The following MCU variants were observed in gnomAD, a reference collection of about 807,000 sequenced individuals.
The protein encoded by MCU is mitochondrial calcium uniporter, also known as calcium uniporter protein, mitochondrial.
In MCU, 12 loss-of-function variants were observed where a neutral mutation model predicts 45.2. The observed-to-expected ratio is 0.27, with a 90% CI of 0.17 to 0.43. MCU has a LOEUF of 0.43. Among genes scored for constraint, MCU ranks in the 20% least tolerant of loss-of-function variants. The pLI is 1.00. For synonymous variants in MCU, 160 were observed against 165.1 expected, an observed-to-expected ratio of 0.97 and a Z score of 0.24; for missense variants, 324 against 436.7, an observed-to-expected ratio of 0.74 and a Z score of 2.30.
chr10:72,798,976 C>T (rs1211475493), intron 1 of MCU, among the ~76,000 whole-genome samples: 1 of 152,164 alleles, frequency 6.6e-6, no homozygotes, highest in Non-Finnish European at 1.5e-5. Flanking sequence ...CGGAGTCTCA[C>T]TCTGTCACTC....
At chr10:72,858,637 AG>A (rs1430670143) in intron 2 of MCU, among the ~76,000 whole-genome samples, 1 of 152,138 alleles carries the variant, frequency 6.6e-6, no homozygotes, top group African/African-American at 2.4e-5. Flanking sequence ...CTTGGCCAAG[AG>A]GGGGTCCATT....
intron 3 of MCU, 103 bp downstream of exon 3, chr10:72,859,450 T>G: frequency 9.1e-7 from 1 of 1,102,130 alleles, no homozygotes; most frequent in Non-Finnish European, 1.3e-6. Context: ...AAGAACCCTA[T>G]ACTGTTAACT....
intron 1 of MCU, among the ~76,000 whole-genome samples, chr10:72,796,285 GA>G (rs1844244413): frequency 6.6e-6 from 1 of 152,024 alleles, no homozygotes; most frequent in Non-Finnish European, 1.5e-5. Context: ...CCAAAAAAAG[GA>G]AAATTGGCCA....
chr10:72,804,636 T>C (rs1426718028), intron 1 of MCU, among the ~76,000 whole-genome samples: 1 of 152,160 alleles, frequency 6.6e-6, no homozygotes, highest in Non-Finnish European at 1.5e-5. Context: ...GTAGATCACA[T>C]GCAAAAAAAC....
chr10:72,771,254 A>G (rs1843803625), intron 1 of MCU, among the ~76,000 whole-genome samples: 2 of 151,946 alleles, frequency 1.3e-5, no homozygotes, highest in South Asian at 4.2e-4. Flanking sequence ...CTGTGTCCAT[A>G]TTGTTCAACT....
At chr10:72,761,876 A>G (rs1431800390) in intron 1 of MCU, among the ~76,000 whole-genome samples, 1 of 151,770 alleles carries the variant, frequency 6.6e-6, no homozygotes, top group East Asian at 1.9e-4. Context: ...CCATTATATC[A>G]CTCTGTATGC....
chr10:72,703,440 T>C (rs149697096), intron 1 of MCU, among the ~76,000 whole-genome samples: 1 of 152,328 alleles, frequency 6.6e-6, no homozygotes, highest in Admixed American at 6.5e-5. Context: ...AGATCCTGTC[T>C]CTTAACCACT....
chr10:72,805,072 AGTTT>A (rs1199153809), intron 1 of MCU, among the ~76,000 whole-genome samples: 40 of 142,546 alleles, frequency 2.8e-4, no homozygotes, highest in African/African-American at 1.0e-3. Flanking sequence ...ACCTGGCCCT[AGTTT>A]GTTTCTTTCT....
chr10:72,781,730 C>T (rs1436612580), intron 1 of MCU, among the ~76,000 whole-genome samples: 4 of 152,106 alleles, frequency 2.6e-5, no homozygotes, highest in Non-Finnish European at 5.9e-5. Context: ...AATAATACTT[C>T]AGAAAAATAG....
chr10:72,884,223 T>C lies in MCU; in HGVS notation c.862-43T>C, dbSNP rs914345532. On this transcript the variant is annotated intron_variant, in intron 6 of 7. Coordinates refer to ENST00000373053, the MANE Select transcript of MCU (RefSeq NM_138357.3). ...GCAGTTAGTAAATATTTTGTGAAGATAGTATGCTAAGGACTGATAATTCCG... is the reference window on the plus strand; with the variant it reads ...GCAGTTAGTAAATATTTTGTGAAGACAGTATGCTAAGGACTGATAATTCCG... 2.6e-6 allele frequency: 3 copies of C among 1,136,984 alleles called. No homozygotes were observed. The South Asian group carries it at 3.7e-5, about 14-fold the overall frequency. 70.4% of individuals were successfully genotyped at this position (1,136,984 alleles called of 1,614,324 possible). A position where few individuals can be genotyped will look rare whatever the true frequency, so the allele number is the denominator to read the frequency against.
At chr10:72,742,042 AAAAC>A (rs1564543994) in intron 1 of MCU, among the ~76,000 whole-genome samples, 24 of 150,140 alleles carry the variant, frequency 1.6e-4, no homozygotes, top group African/African-American at 5.8e-4. Flanking sequence ...AAAAAAAAAA[AAAAC>A]AAAAACGACA....
At chr10:72,885,704 G>A (rs1248883813) in intron 7 of MCU, 41 bp from the exon 8 acceptor site, 2 of 1,317,414 alleles carry the variant, frequency 1.5e-6, no homozygotes, top group Non-Finnish European at 2.2e-6. Context: ...ATCATTGAAA[G>A]CTTCACTAGC....
intron 1 of MCU, among the ~76,000 whole-genome samples, chr10:72,816,190 CTA>C (rs1844623377): frequency 6.6e-6 from 1 of 151,982 alleles, no homozygotes; most frequent in Admixed American, 6.6e-5. Context: ...ATAATAAACT[CTA>C]GAGGGATCTT....
At chr10:72,736,784 G>T (rs758881026) in intron 1 of MCU, among the ~76,000 whole-genome samples, 1 of 152,148 alleles carries the variant, frequency 6.6e-6, no homozygotes, top group Non-Finnish European at 1.5e-5. Context: ...TAGCTCAATA[G>T]TGCCCTTTTG....
At chr10:72,758,814 ATCTC>A (rs1371481885) in intron 1 of MCU, among the ~76,000 whole-genome samples, 1 of 152,170 alleles carries the variant, frequency 6.6e-6, no homozygotes, top group Admixed American at 6.5e-5. Flanking sequence ...CTTTTAAAAA[ATCTC>A]TCTTTTCCGT....
At chr10:72,842,218 G>A (rs1187235517) in intron 2 of MCU, among the ~76,000 whole-genome samples, 2 of 152,184 alleles carry the variant, frequency 1.3e-5, no homozygotes, top group Non-Finnish European at 2.9e-5. Context: ...AAGTATCTCT[G>A]TAGGCCAGTC....
chr10:72,851,049 C>T (rs1251592860), intron 2 of MCU, among the ~76,000 whole-genome samples: 1 of 152,158 alleles, frequency 6.6e-6, no homozygotes, highest in African/African-American at 2.4e-5. Context: ...ACTAAGAAAT[C>T]TAACGTTGAC....
intron 4 of MCU, 116 bp from the exon 5 acceptor site, chr10:72,868,587 C>A: frequency 9.8e-6 from 8 of 817,072 alleles, no homozygotes; most frequent in Non-Finnish European, 1.5e-5. Flanking sequence ...TACTTTCCTT[C>A]AGTTTAACAC....
intron 1 of MCU, among the ~76,000 whole-genome samples, chr10:72,808,336 A>G (rs960352144): frequency 6.6e-6 from 1 of 152,258 alleles, no homozygotes; most frequent in Non-Finnish European, 1.5e-5. Context: ...AGTCATAGGC[A>G]TCTGAAACAC....
Sources: allele counts gnomAD v4.1 joint callset (sites outside exome capture counted in the v4.1 genomes callset), GRCh38; gene constraint gnomAD v4.1.1; transcripts MANE v1.5; gene names NCBI Gene and HGNC (gene_info 2026-07-23, HGNC 2026-07-21).